The following DENND5B variants were observed in gnomAD, a reference collection of about 807,000 sequenced individuals.
The protein encoded by DENND5B is DENN domain containing 5B.
Under a neutral mutation model 140.6 loss-of-function variants are expected in DENND5B, and 34 were observed. That is an observed-to-expected ratio of 0.24 (90% confidence interval 0.18 to 0.32). DENND5B has a LOEUF of 0.32. Among genes scored for constraint, DENND5B ranks in the 10% least tolerant of loss-of-function variants. The probability of loss-of-function intolerance (pLI) is 1.00; values close to 1 mark genes in which losing one functional copy is unlikely to be tolerated. For synonymous variants in DENND5B, 551 were observed against 562.1 expected, an observed-to-expected ratio of 0.98 and a Z score of 0.28; for missense variants, 1,142 against 1,560.2, an observed-to-expected ratio of 0.73 and a Z score of 4.52.
Position 31,398,192 on chromosome 12 carries a change from A to G in DENND5B, c.3239T>C (p.Leu1080Pro). 2 of 1,599,874 alleles carry G rather than the reference A, an allele frequency of 1.3e-6. No homozygotes were observed. Among genetic ancestry groups the G allele is most frequent in the Non-Finnish European group, 1.7e-6 (2 of 1,173,476 alleles). ...AAATTTACTGTTGTTTTTTCCTGTC[A>G]GTGAAGTGATGCTCAATCTCCTAGC... ...TTARRLSITS[L>P]TGKNNKPNAG... Residue 1080 changes from leucine (L) to proline (P), a missense_variant, in exon 17 of 21, where the codon CTG becomes CCG. Transcript: ENST00000389082.
chr12:31,584,763 G>T (rs1394409337), intron 1 of DENND5B, among the ~76,000 whole-genome samples: 1 of 152,094 alleles, frequency 6.6e-6, no homozygotes, highest in African/African-American at 2.4e-5. Context: ...GGAGATTGAG[G>T]CTGCAATAAG....
chr12:31,550,527 G>A (rs1347040033), intron 1 of DENND5B, among the ~76,000 whole-genome samples: 1 of 151,864 alleles, frequency 6.6e-6, no homozygotes, highest in Admixed American at 6.6e-5. Context: ...ATAAACATAC[G>A]TGTGCATGTG....
intron 1 of DENND5B, among the ~76,000 whole-genome samples, chr12:31,548,508 C>T (rs1296512955): frequency 1.3e-5 from 2 of 152,144 alleles, no homozygotes; most frequent in East Asian, 3.9e-4. Flanking sequence ...ACTTTAAAAA[C>T]TTGACTACAT....
At position 31,577,507 on chromosome 12, in the gene DENND5B, G is replaced by A. The variant is rs181152982; in HGVS notation, c.127+13199C>T. ...AGGCAGATCACGAGGTCAGGAGATC[G>A]AGACCTTCCTGGCTAACATGGTGAA... On this transcript the variant is annotated intron_variant, in intron 1 of 20. Coordinates refer to ENST00000389082, the MANE Select transcript of DENND5B (RefSeq NM_144973.4). Among the ~76,000 whole-genome samples the A allele has an allele frequency of 6.0e-3, 910 of 151,372 alleles. 7 individuals are homozygous for A. The highest frequency in any genetic ancestry group is 0.02 in the African/African-American group (842 of 41,254).
At chr12:31,530,220 A>C (rs1948234404) in intron 1 of DENND5B, among the ~76,000 whole-genome samples, 1 of 152,110 alleles carries the variant, frequency 6.6e-6, no homozygotes, top group African/African-American at 2.4e-5. Flanking sequence ...TAAAAATACA[A>C]AAATTAGCTG....
chr12:31,416,466 T>A (rs1942745079), intron 11 of DENND5B, among the ~76,000 whole-genome samples: 1 of 151,868 alleles, frequency 6.6e-6, no homozygotes, highest in South Asian at 2.1e-4. Flanking sequence ...GGTTTCACCA[T>A]GTTGGCCAGC....
intron 1 of DENND5B, among the ~76,000 whole-genome samples, chr12:31,538,659 G>A (rs1225371963): frequency 6.6e-6 from 1 of 152,142 alleles, no homozygotes; most frequent in Non-Finnish European, 1.5e-5. Context: ...TTGATGTCAG[G>A]AGTTCAAGAC....
At chr12:31,440,669 G>GT (rs955491062) in intron 7 of DENND5B, among the ~76,000 whole-genome samples, 9 of 151,970 alleles carry the variant, frequency 5.9e-5, no homozygotes, top group African/African-American at 9.7e-5. Context: ...AGGGTTTTTT[G>GT]TTTTTTTGAA....
At chr12:31,494,345 G>C (rs892474192) in intron 2 of DENND5B, among the ~76,000 whole-genome samples, 1 of 151,862 alleles carries the variant, frequency 6.6e-6, no homozygotes, top group Admixed American at 6.6e-5. Context: ...CTGAGTAGCT[G>C]GGCTTATAGA....
intron 17 of DENND5B, among the ~76,000 whole-genome samples, chr12:31,394,615 C>CTT (rs33960412): frequency 3.6e-5 from 5 of 137,616 alleles, no homozygotes; most frequent in African/African-American, 1.1e-4. Flanking sequence ...ACCCTGTGCT[C>CTT]TTTTTTTTTT....
chr12:31,428,211 G>A (rs997852501), intron 8 of DENND5B, among the ~76,000 whole-genome samples: 1 of 151,596 alleles, frequency 6.6e-6, no homozygotes, highest in Non-Finnish European at 1.5e-5. Context: ...AAAATGTGGC[G>A]GGTGCCTGTA....
At chr12:31,574,016 G>T (rs1351833142) in intron 1 of DENND5B, among the ~76,000 whole-genome samples, 1 of 151,632 alleles carries the variant, frequency 6.6e-6, no homozygotes, top group East Asian at 1.9e-4. Context: ...TCCCAACAGT[G>T]GGAGGCCAAG....
chr12:31,502,682 G>A (rs754268198), intron 1 of DENND5B, among the ~76,000 whole-genome samples: 11 of 152,102 alleles, frequency 7.2e-5, no homozygotes, highest in East Asian at 1.9e-4. Flanking sequence ...CACCCCCAAC[G>A]TTTGATGATC....
At chr12:31,574,914 C>T (rs1015481364) in intron 1 of DENND5B, among the ~76,000 whole-genome samples, 1 of 152,130 alleles carries the variant, frequency 6.6e-6, no homozygotes, top group Non-Finnish European at 1.5e-5. Context: ...TGAGAATGAC[C>T]AAACAAAATA....
chr12:31,415,484 T>C (rs1942685478), intron 11 of DENND5B, 36 bp from the exon 12 acceptor site: 3 of 1,467,958 alleles, frequency 2.0e-6, no homozygotes, highest in Non-Finnish European at 2.8e-6. Flanking sequence ...ATTAGAAAAG[T>C]AATAAAAAAT....
Position 31,506,814 on chromosome 12 carries a change from T to C in DENND5B, c.128-10895A>G, listed in dbSNP as rs144262491. 1.1e-3 allele frequency among the ~76,000 whole-genome samples: 164 copies of C among 152,326 alleles called. 2 individuals carry two copies. In the South Asian group the frequency reaches 0.014, roughly 13 times the overall value. On this transcript the variant is annotated intron_variant, in intron 1 of 20. Transcript: ENST00000389082. Reference sequence around the variant, plus strand: ...TCAAGGAGAGAATGCAGAGTTTCCATGCCTTCTTCTTGTGGAAAAAGGGCA... The same window carrying C: ...TCAAGGAGAGAATGCAGAGTTTCCACGCCTTCTTCTTGTGGAAAAAGGGCA...
At chr12:31,579,845 A>G (rs1424305398) in intron 1 of DENND5B, among the ~76,000 whole-genome samples, 2 of 151,674 alleles carry the variant, frequency 1.3e-5, no homozygotes, top group East Asian at 1.9e-4. Flanking sequence ...AGACAGTCCC[A>G]TATCAAAAAT....
intron 1 of DENND5B, among the ~76,000 whole-genome samples, chr12:31,529,116 T>C (rs1292808155): frequency 2.9e-5 from 4 of 137,148 alleles, no homozygotes; most frequent in Admixed American, 1.6e-4. Context: ...TGAGCCAAGA[T>C]AGCGCCACTA....
chr12:31,481,798 G>C (rs765540141), intron 2 of DENND5B, among the ~76,000 whole-genome samples: 1 of 152,190 alleles, frequency 6.6e-6, no homozygotes, highest in Non-Finnish European at 1.5e-5. Context: ...TTAGGAGAGG[G>C]ACAGAATTAG....
Sources: gnomAD v4.1 joint callset for allele counts (sites outside exome capture counted in the v4.1 genomes callset) on GRCh38, gnomAD v4.1.1 for gene constraint, MANE v1.5 for transcripts, NCBI Gene and HGNC (gene_info 2026-07-23, HGNC 2026-07-21) for gene names.